DIS3L: variants seen among roughly 807,000 people sequenced by gnomAD.
DIS3L encodes DIS3-like exonuclease 1.
In DIS3L, 100 loss-of-function variants were observed where a neutral mutation model predicts 120.3. The observed-to-expected ratio is 0.83, with a 90% CI of 0.71 to 0.98. The LOEUF is 0.98. DIS3L is among the 50% of genes least tolerant of loss of function. The probability of loss-of-function intolerance (pLI) is 0.00; values close to 1 mark genes in which losing one functional copy is unlikely to be tolerated. For synonymous variants in DIS3L, 426 were observed against 470.6 expected, an observed-to-expected ratio of 0.91 and a Z score of 1.23; for missense variants, 1,196 against 1,314.2, an observed-to-expected ratio of 0.91 and a Z score of 1.39.
At chr15:66,307,622 A>G (rs2140343953) in intron 3 of DIS3L, among the ~76,000 whole-genome samples, 1 of 152,334 alleles carries the variant, frequency 6.6e-6, no homozygotes, top group East Asian at 1.9e-4. Context: ...TCCCAGTCTT[A>G]TTAAACTGAA....
chr15:66,309,815 C>T (rs2092742656), intron 4 of DIS3L, among the ~76,000 whole-genome samples: 1 of 152,168 alleles, frequency 6.6e-6, no homozygotes, highest in Non-Finnish European at 1.5e-5. Flanking sequence ...CACTCTTCCC[C>T]ACTTGTGAAT....
upstream of DIS3L, chr15:66,293,456 C>A: frequency 8.2e-7 from 1 of 1,212,724 alleles, no homozygotes; most frequent in Non-Finnish European, 1.0e-6. Flanking sequence ...CAGCCTGGAG[C>A]GTGTAGCTCC....
intron 6 of DIS3L, 28 bp downstream of exon 6, chr15:66,314,145 C>T: frequency 1.4e-6 from 2 of 1,420,150 alleles, no homozygotes; most frequent in South Asian, 3.2e-5. Context: ...CATAAATTTC[C>T]ATACTCCTTT....
At position 66,333,132 on chromosome 15, in the gene DIS3L, G is replaced by A. The variant is rs3759785; in HGVS notation, c.2985G>A (p.Glu995=). Residue 995 remains glutamate (E), a synonymous_variant, in exon 17 of 17, where the codon GAG becomes GAA. Transcript: ENST00000319212. ...AGAGTTCCCCCTTGCTGAAGAGTGA[G>A]TTAGTGAAAGAAGTAACTAAATCTG... ...IHQSSPLLKS[E]LVKEVTKSVE... is the part of the protein sequence containing the mutation. The A allele has an allele frequency of 0.025, 39,998 of 1,613,576 alleles. 925 individuals are homozygous for A. The highest frequency in any genetic ancestry group is 0.1 in the East Asian group (4,482 of 44,856).
intron 2 of DIS3L, among the ~76,000 whole-genome samples, chr15:66,304,089 C>CAA (rs34711611): frequency 3.9e-4 from 28 of 72,592 alleles, no homozygotes; most frequent in African/African-American, 1.2e-3. Context: ...GACTCTGTTT[C>CAA]AAAAAAAAAA....
At chr15:66,329,576 T>A (rs1273556713) in intron 14 of DIS3L, 177 bp downstream of exon 14, 1 of 1,318,656 alleles carries the variant, frequency 7.6e-7, no homozygotes. Context: ...TTTGGGAGAT[T>A]TGACGGTAGA....
At chr15:66,324,473 C>T (rs2092916562) in intron 11 of DIS3L, among the ~76,000 whole-genome samples, 1 of 152,174 alleles carries the variant, frequency 6.6e-6, no homozygotes, top group African/African-American at 2.4e-5. Flanking sequence ...ATGCCCAGAC[C>T]ATTTCACATT....
At position 66,329,037 on chromosome 15, in the gene DIS3L, C is replaced by G; in HGVS notation, c.2269C>G (p.Leu757Val). ...CCCCCACGATCCCATTGTGAACAGGCTACTGCGCTCCATGGCCACGCAGGC... is the reference window on the plus strand; with the variant it reads ...CCCCCACGATCCCATTGTGAACAGGGTACTGCGCTCCATGGCCACGCAGGC... ...NDPHDPIVNR[L>V]LRSMATQAMS... The change falls in exon 13 of 17, where the codon CTA becomes GTA. Residue 757 changes from leucine to valine, a missense_variant. Transcript: ENST00000319212. 1.9e-6 allele frequency: 3 copies of G among 1,614,246 alleles called. No homozygotes were observed. Among genetic ancestry groups the G allele is most frequent in the Non-Finnish European group, 2.5e-6 (3 of 1,180,042 alleles).
chr15:66,301,271 A>ATT (rs1566935818), intron 2 of DIS3L, among the ~76,000 whole-genome samples: 41 of 150,914 alleles, frequency 2.7e-4, no homozygotes, highest in African/African-American at 1.0e-3. Flanking sequence ...AGTTGAATTT[A>ATT]TATTTATTTA....
At position 66,322,734 on chromosome 15, in the gene DIS3L, T is replaced by C. The variant is rs202154182; in HGVS notation, c.1374T>C (p.Ser458=). ...CACCAGAAAGTCCCTGGAAGGTGAG[T>C]CCTGAAGAGGAACAAAAACGTAAAG... ...VNTPESPWKV[S]PEEEQKRKDL... The change falls in exon 10 of 17, where the codon AGT becomes AGC. Residue 458 remains serine (S), a synonymous_variant. Coordinates refer to ENST00000319212, the MANE Select transcript of DIS3L (RefSeq NM_001143688.3). 16 of 1,614,034 alleles carry C rather than the reference T, an allele frequency of 9.9e-6. No homozygotes were observed. The highest frequency in any genetic ancestry group is 1.4e-5 in the Non-Finnish European group (16 of 1,180,024).
At chr15:66,329,986 T>C (rs956384682) in intron 14 of DIS3L, 5 of 985,018 alleles carry the variant, frequency 5.1e-6, no homozygotes, top group Non-Finnish European at 6.0e-6. Context: ...TTAATGATTC[T>C]AGACACTGCT....
intron 12 of DIS3L, chr15:66,326,671 C>CTGGACTTGAGCAATT: frequency 4.2e-6 from 1 of 236,954 alleles, no homozygotes; most frequent in Non-Finnish European, 8.3e-6. Context: ...CCACCACCTC[C>CTGGACTTGAGCAATT]CAGGTTCAAG....
At chr15:66,313,947 G>A (rs1798605457) in intron 5 of DIS3L, 92 bp from the exon 6 acceptor site, 2 of 1,010,500 alleles carry the variant, frequency 2.0e-6, no homozygotes, top group Admixed American at 2.9e-5. Flanking sequence ...TTATGGGGAT[G>A]TTTTCACATA....
chr15:66,309,118 G>T (rs2092735395), intron 4 of DIS3L, among the ~76,000 whole-genome samples: 1 of 62,214 alleles, frequency 1.6e-5, no homozygotes, highest in Non-Finnish European at 3.1e-5. Flanking sequence ...CAAGCATGGT[G>T]GCACGCACCT....
chr15:66,302,514 C>G (rs1350590339), intron 2 of DIS3L, among the ~76,000 whole-genome samples: 1 of 152,208 alleles, frequency 6.6e-6, no homozygotes, highest in Admixed American at 6.5e-5. Context: ...ACTTGGATCA[C>G]TGTTATCATG....
rs967756765 is a variant in DIS3L at position 66,328,456 on chromosome 15, G to A, written c.2202-514G>A. 3.3e-5 allele frequency among the ~76,000 whole-genome samples: 5 copies of A among 152,230 alleles called. No homozygotes were observed. The South Asian group carries it at 8.3e-4, about 25-fold the overall frequency. ...TGTAACCCCAGCACTTTGGGAGGCC[G>A]AGGCAGGAGGATCACTGAAGGCCAG... On this transcript the variant is annotated intron_variant, in intron 12 of 16. Transcript: ENST00000319212.
intron 11 of DIS3L, among the ~76,000 whole-genome samples, chr15:66,325,222 C>T (rs958305445): frequency 3.9e-5 from 6 of 152,064 alleles, no homozygotes; most frequent in Admixed American, 1.3e-4. Context: ...AGTGAAACCC[C>T]GTCTCTACTA....
chr15:66,311,470 CT>C (rs1469976496), intron 4 of DIS3L, among the ~76,000 whole-genome samples: 4 of 152,108 alleles, frequency 2.6e-5, no homozygotes, highest in Non-Finnish European at 5.9e-5. Flanking sequence ...GAGAAAGAGA[CT>C]TGAAAGCACA....
intron 2 of DIS3L, among the ~76,000 whole-genome samples, chr15:66,298,892 T>G (rs2140320395): frequency 6.6e-6 from 1 of 152,234 alleles, no homozygotes; most frequent in South Asian, 2.1e-4. Flanking sequence ...CCAAAGCAGA[T>G]GGAGTCCTGG....
Sources: allele counts gnomAD v4.1 joint callset (sites outside exome capture counted in the v4.1 genomes callset), GRCh38; gene constraint gnomAD v4.1.1; transcripts MANE v1.5; gene names NCBI Gene and HGNC (gene_info 2026-07-23, HGNC 2026-07-21).